The following MYO1E variants were observed in gnomAD, a reference collection of about 807,000 sequenced individuals.
The protein encoded by MYO1E is unconventional myosin-Ie.
A neutral mutation model predicts 151.1 loss-of-function variants in MYO1E; 68 were observed. The observed-to-expected ratio is 0.45, with a 90% confidence interval of 0.37 to 0.55. The LOEUF is 0.55. Among genes scored for constraint, MYO1E ranks in the 20% least tolerant of loss-of-function variants. MYO1E has a pLI of 0.00. For synonymous variants in MYO1E, 601 were observed against 501.7 expected, an observed-to-expected ratio of 1.20 and a Z score of -2.64; for missense variants, 1,363 against 1,389.3, an observed-to-expected ratio of 0.98 and a Z score of 0.30.
chr15:59,240,165 C>T (rs372726386), intron 4 of MYO1E, among the ~76,000 whole-genome samples: 3 of 152,198 alleles, frequency 2.0e-5, no homozygotes, highest in South Asian at 2.1e-4. Flanking sequence ...CTATCAGAAT[C>T]GTCAGAGTAC....
At chr15:59,293,031 C>T (rs1029954857) in intron 1 of MYO1E, among the ~76,000 whole-genome samples, 2 of 152,140 alleles carry the variant, frequency 1.3e-5, no homozygotes, top group Non-Finnish European at 2.9e-5. Context: ...TGGAGTTGCA[C>T]AGGGAGGCAT....
At chr15:59,221,744 G>C (rs1182205950) in intron 9 of MYO1E, among the ~76,000 whole-genome samples, 1 of 152,112 alleles carries the variant, frequency 6.6e-6, no homozygotes, top group Non-Finnish European at 1.5e-5. Flanking sequence ...ACATCAATGT[G>C]CAATAAAACA....
intron 4 of MYO1E, among the ~76,000 whole-genome samples, chr15:59,248,072 G>A (rs1476060829): frequency 1.5e-5 from 2 of 131,468 alleles, no homozygotes; most frequent in Non-Finnish European, 3.1e-5. Flanking sequence ...AGGTTGTGGT[G>A]AGCCAAGAGT....
At chr15:59,142,883 A>G (rs1010435241) in intron 26 of MYO1E, among the ~76,000 whole-genome samples, 3 of 149,022 alleles carry the variant, frequency 2.0e-5, no homozygotes, top group Non-Finnish European at 4.4e-5. Flanking sequence ...CTTCTGTCCA[A>G]TATTATCCTG....
intron 3 of MYO1E, among the ~76,000 whole-genome samples, chr15:59,257,079 T>C (rs1272947653): frequency 1.3e-5 from 2 of 152,228 alleles, no homozygotes; most frequent in Non-Finnish European, 2.9e-5. Context: ...TCAAACTAAA[T>C]ACATTTTCCA....
At chr15:59,254,744 G>C (rs1031939178) in intron 4 of MYO1E, among the ~76,000 whole-genome samples, 3 of 152,072 alleles carry the variant, frequency 2.0e-5, no homozygotes, top group Non-Finnish European at 4.4e-5. Flanking sequence ...CGTATGATAA[G>C]ATTGTGAACT....
rs555740720 is a variant in MYO1E, at chr15:59,222,816, T to C, written c.910+243A>G. Among the ~76,000 whole-genome samples, 285 of 152,282 alleles carry C rather than the reference T, an allele frequency of 1.9e-3. 1 individual carries two copies. Among genetic ancestry groups the C allele is most frequent in the African/African-American group, 6.5e-3 (269 of 41,554 alleles). ...CAGCTTTCCCCAGGTTAATGATAAA[T>C]TGAAACGATTCCATTAATAATCGAT... On this transcript the variant is annotated intron_variant, in intron 9 of 27. Transcript: ENST00000288235.
At chr15:59,266,182 T>G (rs1195904830) in intron 2 of MYO1E, among the ~76,000 whole-genome samples, 1 of 152,192 alleles carries the variant, frequency 6.6e-6, no homozygotes, top group Non-Finnish European at 1.5e-5. Flanking sequence ...CCTGCTGCTT[T>G]GGGAACTCCA....
At chr15:59,274,503 CCAGAGTAACCAACCTG>C (rs1396950950) in intron 1 of MYO1E, among the ~76,000 whole-genome samples, 2 of 152,146 alleles carry the variant, frequency 1.3e-5, no homozygotes, top group Non-Finnish European at 2.9e-5. Context: ...AACTAGGGTC[CCAGAGTAACCAACCTG>C]CAGATTGGTT....
At chr15:59,265,708 A>C (rs1208368464) in intron 2 of MYO1E, among the ~76,000 whole-genome samples, 1 of 151,470 alleles carries the variant, frequency 6.6e-6, no homozygotes, top group African/African-American at 2.4e-5. Context: ...TATAATCACA[A>C]CACTGTGGGA....
At chr15:59,194,127 TC>T (rs2079751133) in intron 17 of MYO1E, among the ~76,000 whole-genome samples, 1 of 151,088 alleles carries the variant, frequency 6.6e-6, no homozygotes, top group South Asian at 2.1e-4. Context: ...TGAACCAAGA[TC>T]ATGCCGCTGC....
At chr15:59,140,361 T>C (rs1253074748) in intron 26 of MYO1E, among the ~76,000 whole-genome samples, 1 of 152,226 alleles carries the variant, frequency 6.6e-6, no homozygotes, top group Non-Finnish European at 1.5e-5. Context: ...ATTTATTAAA[T>C]ATGTTCATAA....
chr15:59,294,195 A>G lies in MYO1E; in HGVS notation c.4-21746T>C, dbSNP rs141971344. The stretch of plus-strand genomic sequence containing the variant: ...TTTTATATCACCCCTGCTTATGTTA[A>G]CCAACTAGACAAACTGTAACAGTCT... On this transcript the variant is annotated intron_variant, in intron 1 of 27. Coordinates refer to ENST00000288235, the MANE Select transcript of MYO1E (RefSeq NM_004998.4). 4.4e-3 allele frequency among the ~76,000 whole-genome samples: 663 copies of G among 152,278 alleles called. 5 individuals are homozygous for G. The highest frequency in any genetic ancestry group is 0.015 in the African/African-American group (606 of 41,550).
chr15:59,204,663 C>A (rs553891849), intron 15 of MYO1E, among the ~76,000 whole-genome samples: 1 of 152,292 alleles, frequency 6.6e-6, no homozygotes, highest in East Asian at 1.9e-4. Flanking sequence ...CCCTCTTCTA[C>A]CCCTACAGCT....
At chr15:59,306,578 C>T (rs900878041) in intron 1 of MYO1E, among the ~76,000 whole-genome samples, 1 of 152,230 alleles carries the variant, frequency 6.6e-6, no homozygotes, top group South Asian at 2.1e-4. Flanking sequence ...GGTTGCTCCA[C>T]AGGTTGGCAA....
intron 1 of MYO1E, among the ~76,000 whole-genome samples, chr15:59,313,692 T>TG (rs1266970456): frequency 6.6e-6 from 1 of 152,218 alleles, no homozygotes; most frequent in Non-Finnish European, 1.5e-5. Context: ...TGATTTGTGT[T>TG]GGCTCTGTAG....
chr15:59,226,253 T>C (rs186573373), intron 7 of MYO1E, among the ~76,000 whole-genome samples: 327 of 152,360 alleles, frequency 2.1e-3, no homozygotes, highest in Non-Finnish European at 3.7e-3. Context: ...AAAGAATTAT[T>C]TGGCATTGCC....
At chr15:59,213,621 G>A (rs2079894898) in intron 12 of MYO1E, among the ~76,000 whole-genome samples, 1 of 142,084 alleles carries the variant, frequency 7.0e-6, no homozygotes, top group South Asian at 2.6e-4. Flanking sequence ...ACCACGTCCA[G>A]CTAATTATTT....
intron 1 of MYO1E, among the ~76,000 whole-genome samples, chr15:59,364,890 C>G (rs942958889): frequency 1.3e-5 from 2 of 152,048 alleles, no homozygotes; most frequent in Non-Finnish European, 2.9e-5. Context: ...GCCTGGGCGA[C>G]AGAGTGAGAC....
Sources: allele counts gnomAD v4.1 joint callset (sites outside exome capture counted in the v4.1 genomes callset), GRCh38; gene constraint gnomAD v4.1.1; transcripts MANE v1.5; gene names NCBI Gene and HGNC (gene_info 2026-07-23, HGNC 2026-07-21).